FBXW11: variants seen among roughly 807,000 people sequenced by gnomAD.
The protein encoded by FBXW11 is F-box and WD repeat domain containing 11.
Under a neutral mutation model 77.6 loss-of-function variants are expected in FBXW11, and 19 were observed. The observed-to-expected ratio is 0.24, with a 90% confidence interval of 0.17 to 0.36. The LOEUF (loss-of-function observed/expected upper bound fraction) is 0.36. FBXW11 is among the 10% of genes least tolerant of loss of function. The pLI, the probability that FBXW11 is intolerant of heterozygous loss-of-function variation, is 1.00. For synonymous variants in FBXW11, 235 were observed against 249.4 expected, an observed-to-expected ratio of 0.94 and a Z score of 0.54; for missense variants, 334 against 704.2, an observed-to-expected ratio of 0.47 and a Z score of 5.95.
At chr5:171,958,701 G>A (rs1465827619) in intron 1 of FBXW11, among the ~76,000 whole-genome samples, 3 of 152,146 alleles carry the variant, frequency 2.0e-5, no homozygotes, top group Non-Finnish European at 2.9e-5. Flanking sequence ...AGACCATACT[G>A]TAAAGTTAAT....
intron 1 of FBXW11, among the ~76,000 whole-genome samples, chr5:171,971,218 C>A (rs890932653): frequency 6.6e-6 from 1 of 152,178 alleles, no homozygotes; most frequent in Non-Finnish European, 1.5e-5. Context: ...TGGCTTAACA[C>A]CTGCAACAAT....
At chr5:171,919,655 GCA>G (rs1031642173) in intron 2 of FBXW11, among the ~76,000 whole-genome samples, 3 of 152,142 alleles carry the variant, frequency 2.0e-5, no homozygotes, top group Non-Finnish European at 4.4e-5. Flanking sequence ...TTGTATGATA[GCA>G]CCTATATCCT....
intron 2 of FBXW11, among the ~76,000 whole-genome samples, chr5:171,918,593 T>G (rs1355093067): frequency 1.3e-5 from 2 of 152,208 alleles, no homozygotes; most frequent in South Asian, 2.1e-4. Flanking sequence ...CTTCCTCTTA[T>G]GTCTACCAAG....
chr5:171,979,203 C>G (rs1217996425), intron 1 of FBXW11, among the ~76,000 whole-genome samples: 1 of 152,160 alleles, frequency 6.6e-6, no homozygotes, highest in Non-Finnish European at 1.5e-5. Flanking sequence ...TGCCTGTAGT[C>G]CCAGCTACTC....
intron 1 of FBXW11, among the ~76,000 whole-genome samples, chr5:171,980,454 A>T (rs1303326583): frequency 1.3e-5 from 2 of 152,246 alleles, no homozygotes; most frequent in Admixed American, 6.5e-5. Flanking sequence ...AAAACAGGAG[A>T]TGTCTGCAAT....
intron 4 of FBXW11, among the ~76,000 whole-genome samples, chr5:171,908,210 C>T (rs2113918963): frequency 6.6e-6 from 1 of 152,290 alleles, no homozygotes; most frequent in South Asian, 2.1e-4. Flanking sequence ...GTACATGCCT[C>T]ATCTTACTTC....
intron 7 of FBXW11, among the ~76,000 whole-genome samples, chr5:171,885,601 T>A (rs753553578): frequency 2.0e-5 from 3 of 152,220 alleles, no homozygotes; most frequent in Non-Finnish European, 2.9e-5. Context: ...AGTAGCAACT[T>A]CTTACGTACC....
At chr5:171,882,615 T>C (rs547225311) in intron 7 of FBXW11, among the ~76,000 whole-genome samples, 99 of 152,298 alleles carry the variant, frequency 6.5e-4, no homozygotes, top group African/African-American at 2.3e-3. Context: ...TCAAAATATT[T>C]TTAAAATTTC....
intron 1 of FBXW11, among the ~76,000 whole-genome samples, chr5:171,985,078 C>T (rs1332187026): frequency 6.6e-6 from 1 of 152,196 alleles, no homozygotes; most frequent in Non-Finnish European, 1.5e-5. Context: ...TCAACACAGT[C>T]ATCCACTCTA....
At chr5:172,005,733 G>A (rs1223195430) in intron 1 of FBXW11, among the ~76,000 whole-genome samples, 1 of 152,088 alleles carries the variant, frequency 6.6e-6, no homozygotes, top group Non-Finnish European at 1.5e-5. Flanking sequence ...ATTTCCCAAA[G>A]CAGCTCTGGA....
chr5:171,871,294 G>A (rs1328075463), intron 10 of FBXW11, among the ~76,000 whole-genome samples: 1 of 152,184 alleles, frequency 6.6e-6, no homozygotes, highest in African/African-American at 2.4e-5. Flanking sequence ...GAGCACAGAT[G>A]AGACAAGGTG....
intron 2 of FBXW11, among the ~76,000 whole-genome samples, chr5:171,936,634 TA>T (rs1282967557): frequency 6.7e-6 from 1 of 149,090 alleles, no homozygotes; most frequent in East Asian, 2.0e-4. Context: ...AGAAACAAAC[TA>T]AAAGAAATGC....
At chr5:171,986,847 T>C (rs573972834) in intron 1 of FBXW11, among the ~76,000 whole-genome samples, 1 of 152,210 alleles carries the variant, frequency 6.6e-6, no homozygotes, top group Non-Finnish European at 1.5e-5. Context: ...AACCCCAGGC[T>C]GTGGACTGGT....
chr5:171,913,819 AC>A (rs1761043884), intron 3 of FBXW11, among the ~76,000 whole-genome samples: 2 of 69,630 alleles, frequency 2.9e-5, no homozygotes, highest in African/African-American at 1.6e-4. Context: ...ACACACACAT[AC>A]ACACACACAC....
chr5:171,905,595 C>CA (rs1269349290), intron 4 of FBXW11, among the ~76,000 whole-genome samples: 2 of 101,136 alleles, frequency 2.0e-5, no homozygotes, highest in South Asian at 6.3e-4. Flanking sequence ...GCTAACCCCC[C>CA]CCCCTTTATT....
intron 2 of FBXW11, among the ~76,000 whole-genome samples, chr5:171,928,314 C>T (rs1014285760): frequency 6.6e-6 from 1 of 152,150 alleles, no homozygotes; most frequent in African/African-American, 2.4e-5. Flanking sequence ...TTAAGATCTT[C>T]GTACCACCCA....
intron 7 of FBXW11, among the ~76,000 whole-genome samples, chr5:171,881,400 A>G (rs1455456245): frequency 6.6e-6 from 1 of 152,174 alleles, no homozygotes; most frequent in African/African-American, 2.4e-5. Context: ...TTCATAGTTT[A>G]CTAAGGGTTT....
chr5:171,974,524 TA>T (rs1270756398), intron 1 of FBXW11, among the ~76,000 whole-genome samples: 2 of 151,890 alleles, frequency 1.3e-5, no homozygotes, highest in East Asian at 3.9e-4. Context: ...TAATTGCTTA[TA>T]AGTTTCCCTT....
At chr5:171,982,657 G>C (rs10080218) in intron 1 of FBXW11, among the ~76,000 whole-genome samples, 1 of 152,120 alleles carries the variant, frequency 6.6e-6, no homozygotes, top group African/African-American at 2.4e-5. Flanking sequence ...ACATTTAGAA[G>C]ACAGTTTAGC....
Sources: gnomAD v4.1 joint callset for allele counts (sites outside exome capture counted in the v4.1 genomes callset) on GRCh38, gnomAD v4.1.1 for gene constraint, MANE v1.5 for transcripts, NCBI Gene and HGNC (gene_info 2026-07-23, HGNC 2026-07-21) for gene names.